The following LTBP2 variants were observed in gnomAD, a reference collection of about 807,000 sequenced individuals.
LTBP2 encodes the protein latent transforming growth factor beta binding protein 2, also known as latent-transforming growth factor beta-binding protein 2.
Under a neutral mutation model 210.6 loss-of-function variants are expected in LTBP2, and 103 were observed. That is an observed-to-expected ratio of 0.49 (90% CI 0.42 to 0.58). The LOEUF (loss-of-function observed/expected upper bound fraction) is 0.58. Among genes scored for constraint, LTBP2 ranks in the 20% least tolerant of loss-of-function variants. The pLI, the probability that LTBP2 is intolerant of heterozygous loss-of-function variation, is 0.00. For synonymous variants in LTBP2, 1,007 were observed against 1,015.0 expected (o/e 0.99, Z 0.15); for missense variants, 2,313 against 2,494.5 (o/e 0.93, Z 1.55).
chr14:74,528,746 A>G, intron 11 of LTBP2, 48 bp from the exon 12 acceptor site: 1 of 1,596,194 alleles, frequency 6.3e-7, no homozygotes, highest in African/African-American at 1.3e-5. Context: ...CTGTTCCTGC[A>G]GGAAACCAGG....
chr14:74,535,207 C>A (rs1373397870), intron 9 of LTBP2, among the ~76,000 whole-genome samples: 1 of 152,090 alleles, frequency 6.6e-6, no homozygotes, highest in Admixed American at 6.6e-5. Flanking sequence ...AGGAAGACAG[C>A]CCAGCCATGC....
intron 16 of LTBP2, among the ~76,000 whole-genome samples, 180 bp downstream of exon 16, chr14:74,522,610 T>C (rs2087220666): frequency 6.6e-6 from 1 of 151,716 alleles, no homozygotes; most frequent in Non-Finnish European, 1.5e-5. Flanking sequence ...TCACCGAGAC[T>C]GGTCTTCCCC....
chr14:74,532,334 G>T (rs1291149958), intron 10 of LTBP2, 92 bp downstream of exon 10: 1 of 1,576,460 alleles, frequency 6.3e-7, no homozygotes, highest in African/African-American at 1.3e-5. Context: ...CAGGTCTGGG[G>T]AAAATTGCTG....
At chr14:74,602,766 C>T (rs1301919201) in intron 2 of LTBP2, among the ~76,000 whole-genome samples, 1 of 152,222 alleles carries the variant, frequency 6.6e-6, no homozygotes, top group South Asian at 2.1e-4. Context: ...AATAAGATGG[C>T]TTTTCTCTCC....
In LTBP2 at chr14:74,528,496, G is replaced by A. The variant is rs368494977; in HGVS notation, c.2355C>T (p.Thr785=). ...VVTDTWLEAG[T]IPDKGDSQAG... The stretch of plus-strand genomic sequence containing the variant: ...CAGCTCAGATACCCTTGTCAGGGAT[G>A]GTCCCGGCCTCAAGCCAGGTGTCCG... Residue 785 remains threonine, a synonymous_variant, in exon 12 of 36, where the codon ACC becomes ACT. Transcript: ENST00000261978. 48 of 1,611,862 alleles carry A rather than the reference G, an allele frequency of 3.0e-5. No homozygotes were observed. The African/African-American group carries it at 6.3e-4, about 21-fold the overall frequency.
rs774083907 is a variant in LTBP2 at position 74,509,852 on chromosome 14, A to T, written c.3159T>A (p.Asp1053Glu). The T allele has an allele frequency of 6.2e-7, 1 of 1,614,032 alleles. No homozygotes were observed. Among genetic ancestry groups the T allele is most frequent in the Non-Finnish European group, 8.5e-7 (1 of 1,180,032 alleles). Residue 1053 changes from aspartate (D) to glutamate (E), a missense_variant, in exon 21 of 36, where the codon GAT (aspartate) becomes GAA (glutamate). Coordinates refer to ENST00000261978, the MANE Select transcript of LTBP2 (RefSeq NM_000428.3). ...GGCATGAGGCCCGGCTGGCACACTCATCCACATCTGAAATAGGGCATTGCA... is the reference window on the plus strand; with the variant it reads ...GGCATGAGGCCCGGCTGGCACACTCTTCCACATCTGAAATAGGGCATTGCA... The part of the protein sequence containing the change: ...TSDEKGCQDV[D>E]ECASRASCPT...
chr14:74,566,712 G>A (rs2087907376), intron 3 of LTBP2, among the ~76,000 whole-genome samples: 1 of 152,140 alleles, frequency 6.6e-6, no homozygotes, highest in African/African-American at 2.4e-5. Flanking sequence ...AACATTCCCT[G>A]GTGCCTATCC....
At chr14:74,598,019 A>T (rs1284706284) in intron 2 of LTBP2, among the ~76,000 whole-genome samples, 3 of 152,216 alleles carry the variant, frequency 2.0e-5, no homozygotes, top group African/African-American at 7.2e-5. Context: ...TCTCATTCTT[A>T]TAACTACACT....
intron 10 of LTBP2, 82 bp downstream of exon 10, chr14:74,532,344 G>A: frequency 6.3e-7 from 1 of 1,590,280 alleles, no homozygotes; most frequent in Non-Finnish European, 8.6e-7. Flanking sequence ...GAAAATTGCT[G>A]CCCTGGGCCT....
intron 2 of LTBP2, among the ~76,000 whole-genome samples, chr14:74,587,032 T>C (rs1458286772): frequency 6.6e-6 from 1 of 152,138 alleles, no homozygotes; most frequent in Admixed American, 6.5e-5. Context: ...GGCTGACTCC[T>C]CTCTTCACTG....
intron 3 of LTBP2, among the ~76,000 whole-genome samples, chr14:74,564,061 TTATATATATATATTTATATATATATTTA>T (rs1566640356): frequency 1.4e-3 from 39 of 28,150 alleles, no homozygotes; most frequent in African/African-American, 6.3e-3. Context: ...ATATATATAT[TTATATATATATATTTATATATATATTTA>T]TATATATATT....
At chr14:74,571,986 T>C (rs10140101) in intron 3 of LTBP2, among the ~76,000 whole-genome samples, 70,042 of 151,190 alleles carry the variant, frequency 0.46, 17,229 homozygotes, top group Non-Finnish European at 0.56. Flanking sequence ...CACAGAATGC[T>C]TGTCGCAGCT....
intron 8 of LTBP2, among the ~76,000 whole-genome samples, chr14:74,538,988 C>T (rs977835097): frequency 2.0e-5 from 3 of 152,194 alleles, no homozygotes; most frequent in African/African-American, 4.8e-5. Context: ...TTTGGAGAAA[C>T]TCAGAAGGCA....
Position 74,551,114 on chromosome 14 carries a change from TG to T in LTBP2, c.1635del (p.Arg546GlyfsTer11), listed in dbSNP as rs1208581799. The T allele has an allele frequency of 6.2e-7, 1 of 1,613,738 alleles. No homozygotes were observed. The highest frequency in any genetic ancestry group is 1.3e-5 in the African/African-American group (1 of 74,940). On this transcript the variant is annotated frameshift_variant, in exon 7 of 36. Coordinates refer to ENST00000261978, the MANE Select transcript of LTBP2 (RefSeq NM_000428.3). LOFTEE classifies it high-confidence loss of function. Reference protein sequence around the residue: ...EPPRPLPPAAPRPRGLLGRCY... With the variant: ...EPPRPLPPAAXRPRGLLGRCY... ...CACCGGCCCAGCAGTCCTCGAGGCC[TG>T]GGTGCTGCTGGGGGCAGTGGCCGAG...
chr14:74,502,626 C>A (rs2086923689), intron 34 of LTBP2, 27 bp downstream of exon 34: 3 of 1,614,030 alleles, frequency 1.9e-6, no homozygotes, highest in Non-Finnish European at 2.5e-6. Context: ...GTGCCCACCT[C>A]TTCCCCAGTT....
At chr14:74,506,920 C>G (rs1047537583) in intron 26 of LTBP2, 97 bp from the exon 27 acceptor site, 1 of 1,559,890 alleles carries the variant, frequency 6.4e-7, no homozygotes, top group Admixed American at 1.9e-5. Context: ...CGCATGCACA[C>G]TCTCTCGTTC....
Position 74,528,464 on chromosome 14 carries a change from T to A in LTBP2, c.2368+19A>T, listed in dbSNP as rs772381436. ...AGGGGAAAGGAAAATCCCTCAGGCATCTCCCCCAGCTCAGATACCCTTGTC... is the reference window on the plus strand; with the variant it reads ...AGGGGAAAGGAAAATCCCTCAGGCAACTCCCCCAGCTCAGATACCCTTGTC... On this transcript the variant is annotated intron_variant, in intron 12 of 35. Coordinates refer to ENST00000261978, the MANE Select transcript of LTBP2 (RefSeq NM_000428.3). 1.9e-6 allele frequency: 3 copies of A among 1,611,430 alleles called. No individual in the cohort carries two copies. The highest frequency in any genetic ancestry group is 1.7e-5 in the Admixed American group (1 of 60,022).
intron 10 of LTBP2, among the ~76,000 whole-genome samples, chr14:74,530,455 T>C (rs993154476): frequency 6.6e-6 from 1 of 152,242 alleles, no homozygotes; most frequent in Non-Finnish European, 1.5e-5. Flanking sequence ...GCAGACACTG[T>C]GGCTGCCTAG....
intron 1 of LTBP2, among the ~76,000 whole-genome samples, chr14:74,604,232 G>A (rs1018041060): frequency 6.1e-5 from 9 of 147,858 alleles, no homozygotes; most frequent in Non-Finnish European, 1.2e-4. Context: ...CAATGCTGAC[G>A]ATCCAAGGGA....
Sources: allele counts gnomAD v4.1 joint callset (sites outside exome capture counted in the v4.1 genomes callset), GRCh38; gene constraint gnomAD v4.1.1; transcripts MANE v1.5; gene names NCBI Gene and HGNC (gene_info 2026-07-23, HGNC 2026-07-21).